The following IQSEC1 variants were observed in gnomAD, a reference collection of about 807,000 sequenced individuals.
The protein encoded by IQSEC1 is IQ motif and Sec7 domain ArfGEF 1, also known as IQ motif and SEC7 domain-containing protein 1.
Under a neutral mutation model 91.0 loss-of-function variants are expected in IQSEC1, and 31 were observed. The ratio of observed to expected loss-of-function variants is 0.34; its 90% CI spans 0.26 to 0.46. The LOEUF (loss-of-function observed/expected upper bound fraction) is 0.46, where lower values mean the gene tolerates loss of function less well. Among genes scored for constraint, IQSEC1 ranks in the 20% least tolerant of loss-of-function variants. IQSEC1 has a pLI of 1.00. For missense variants in IQSEC1, 1,388 were observed against 1,575.6 expected (o/e 0.88, Z 2.02); for synonymous variants, 699 against 662.6 (o/e 1.05, Z -0.84).
chr3:12,927,975 G>A (rs1697310198), intron 3 of IQSEC1, among the ~76,000 whole-genome samples: 1 of 152,188 alleles, frequency 6.6e-6, no homozygotes, highest in Non-Finnish European at 1.5e-5. Flanking sequence ...TGTACAGCAG[G>A]CCATGGAGAG....
chr3:12,925,369 G>A (rs1253440647), intron 3 of IQSEC1, among the ~76,000 whole-genome samples: 1 of 152,188 alleles, frequency 6.6e-6, no homozygotes, highest in Non-Finnish European at 1.5e-5. Context: ...TCCCACTCCA[G>A]GAGGTCAGCA....
rs1018174579 is a variant in IQSEC1 at position 12,900,375 on chromosome 3, T to C, written c.*608A>G. The C allele has an allele frequency of 1.0e-6, 1 of 984,782 alleles. No individual in the cohort carries two copies. Among genetic ancestry groups the C allele is most frequent in the African/African-American group, 1.8e-5 (1 of 57,104 alleles). The allele number at this position is 984,782 out of a possible 1,614,324, so 61.0% of individuals were successfully genotyped here. A position where few individuals can be genotyped will look rare whatever the true frequency, so the allele number is the denominator to read the frequency against. ...AGGTACTGTCTTCCTATTAGGTAAG[T>C]GGAGCTCCTTGTAAGGTGGGTATTG... On this transcript the variant is annotated 3_prime_UTR_variant, in exon 14 of 14. Coordinates refer to ENST00000613206, the MANE Select transcript of IQSEC1 (RefSeq NM_001134382.3).
intron 1 of IQSEC1, among the ~76,000 whole-genome samples, chr3:13,064,096 C>T (rs548710345): frequency 3.8e-4 from 58 of 152,160 alleles, no homozygotes; most frequent in African/African-American, 1.4e-3. Flanking sequence ...TCCATCACTA[C>T]CAGGATTCTG....
intron 1 of IQSEC1, among the ~76,000 whole-genome samples, chr3:13,247,184 C>T (rs1387920278): frequency 6.6e-6 from 1 of 152,138 alleles, no homozygotes; most frequent in Non-Finnish European, 1.5e-5. Context: ...CCATAACCAC[C>T]TTCACCTCCA....
At chr3:13,156,861 C>G (rs535491989) in intron 2 of IQSEC1, among the ~76,000 whole-genome samples, 1 of 152,286 alleles carries the variant, frequency 6.6e-6, no homozygotes, top group African/African-American at 2.4e-5. Flanking sequence ...ACAGCACAGG[C>G]AAAGGCCCTG....
At chr3:13,155,701 T>C (rs968749241) in intron 2 of IQSEC1, among the ~76,000 whole-genome samples, 4 of 152,190 alleles carry the variant, frequency 2.6e-5, no homozygotes, top group East Asian at 1.9e-4. Flanking sequence ...CTTATGAACA[T>C]TGATGCAAAA....
chr3:13,006,142 T>C (rs1284668612), intron 1 of IQSEC1, among the ~76,000 whole-genome samples: 21 of 152,180 alleles, frequency 1.4e-4, no homozygotes, highest in Admixed American at 1.4e-3. Context: ...ATTCCTCCCA[T>C]CCTGGTACCC....
At position 12,924,868 on chromosome 3, in the gene IQSEC1, C is replaced by T. The variant is rs1696975179; in HGVS notation, c.1569-126G>A. Reference sequence around the variant, plus strand: ...CTGCCCACCTGCACCGGCCTTCATCCCTGTAGGCATTCAGGGGTCTCTAGT... The same window carrying T: ...CTGCCCACCTGCACCGGCCTTCATCTCTGTAGGCATTCAGGGGTCTCTAGT... On this transcript the variant is annotated intron_variant, in intron 3 of 13. Transcript: ENST00000613206. The surrounding 1 kb of genome is among the most constrained non-coding windows in gnomAD (Gnocchi z 6.3). 1.2e-6 allele frequency: 1 copy of T among 862,556 alleles called. No individual in the cohort carries two copies. The highest frequency in any genetic ancestry group is 3.0e-5 in the East Asian group (1 of 32,940). 53.4% of individuals were successfully genotyped at this position (862,556 alleles called of 1,614,324 possible).
intron 1 of IQSEC1, among the ~76,000 whole-genome samples, chr3:13,006,684 A>G (rs376280654): frequency 6.6e-6 from 1 of 152,360 alleles, no homozygotes; most frequent in South Asian, 2.1e-4. Flanking sequence ...CCCACTCTAG[A>G]GACTGCCAGC....
intron 1 of IQSEC1, among the ~76,000 whole-genome samples, chr3:13,170,568 G>GC (rs1693587505): frequency 6.6e-6 from 1 of 152,234 alleles, no homozygotes; most frequent in Non-Finnish European, 1.5e-5. Flanking sequence ...GAGGGAGGCT[G>GC]TACCCTGCAA....
At chr3:12,946,335 T>C (rs76033971) in intron 1 of IQSEC1, among the ~76,000 whole-genome samples, 3,212 of 152,310 alleles carry the variant, frequency 0.021, 62 homozygotes, top group Middle Eastern at 0.041. Flanking sequence ...CCTCTGAATT[T>C]ATTATCTCTC....
At position 12,983,874 on chromosome 3, in the gene IQSEC1, T is replaced by C. The variant is rs1359830095; in HGVS notation, c.24-42009A>G. ...GGATGAAATGAATATGCCCAGCTCATGTATGTCCCTGTCCCCAAATCCACA... is the reference window on the plus strand; with the variant it reads ...GGATGAAATGAATATGCCCAGCTCACGTATGTCCCTGTCCCCAAATCCACA... On this transcript the variant is annotated intron_variant, in intron 1 of 13. Coordinates refer to ENST00000613206, the MANE Select transcript of IQSEC1 (RefSeq NM_001134382.3). This position sits in a 1 kb window ranked among gnomAD's most constrained non-coding sequence, Gnocchi z 4.3. Among the ~76,000 whole-genome samples, 2 of 146,892 alleles carry C rather than the reference T, an allele frequency of 1.4e-5. No homozygotes were observed. Among genetic ancestry groups the C allele is most frequent in the African/African-American group, 5.5e-5 (2 of 36,362 alleles).
intron 1 of IQSEC1, among the ~76,000 whole-genome samples, chr3:13,213,660 A>G (rs1694486783): frequency 6.6e-6 from 1 of 152,140 alleles, no homozygotes; most frequent in African/African-American, 2.4e-5. Flanking sequence ...AATCCAAACA[A>G]TCCACACATT....
chr3:12,913,408 C>G lies in IQSEC1; in HGVS notation c.2316+20G>C. The G allele has an allele frequency of 1.3e-6, 2 of 1,577,360 alleles. No homozygotes were observed. Among genetic ancestry groups the G allele is most frequent in the Non-Finnish European group, 1.7e-6 (2 of 1,157,992 alleles). ...AGGCTTGAGGTCCCTGCTACAATGC[C>G]TTGTGGGTGAGCCACATACCACCAG... On this transcript the variant is annotated intron_variant, in intron 9 of 13. Transcript: ENST00000613206.
chr3:13,157,627 C>G (rs1209133935), intron 2 of IQSEC1, among the ~76,000 whole-genome samples: 1 of 152,166 alleles, frequency 6.6e-6, no homozygotes, highest in Non-Finnish European at 1.5e-5. Context: ...CCCAAGAAAT[C>G]TCAATCATAA....
intron 12 of IQSEC1, among the ~76,000 whole-genome samples, chr3:12,906,042 A>G (rs948456827): frequency 6.6e-6 from 1 of 152,180 alleles, no homozygotes; most frequent in Admixed American, 6.5e-5. Flanking sequence ...AACTCTTGGC[A>G]CAACAGAGGC....
chr3:13,113,905 C>A (rs1270425926), intron 2 of IQSEC1, among the ~76,000 whole-genome samples: 2 of 152,228 alleles, frequency 1.3e-5, no homozygotes, highest in Non-Finnish European at 2.9e-5. Flanking sequence ...TGCTACAGTG[C>A]CTTTGCTAAG....
intron 2 of IQSEC1, among the ~76,000 whole-genome samples, chr3:13,162,855 C>A (rs755310685): frequency 1.3e-5 from 2 of 152,120 alleles, no homozygotes; most frequent in Admixed American, 6.5e-5. Context: ...CCCCCTCCCT[C>A]GGATCCCCAG....
At chr3:13,113,286 C>G (rs1382684097) in intron 2 of IQSEC1, among the ~76,000 whole-genome samples, 2 of 152,192 alleles carry the variant, frequency 1.3e-5, no homozygotes, top group Non-Finnish European at 2.9e-5. Flanking sequence ...AAGCTGGGGA[C>G]CAGGGTGGGT....
Sources: allele counts gnomAD v4.1 joint callset (sites outside exome capture counted in the v4.1 genomes callset), GRCh38; gene constraint gnomAD v4.1.1; non-coding constraint Gnocchi (gnomAD v3.1); transcripts MANE v1.5; gene names NCBI Gene and HGNC (gene_info 2026-07-23, HGNC 2026-07-21).